The following FBXL7 variants were observed in gnomAD, a reference collection of about 807,000 sequenced individuals.
FBXL7 encodes the protein F-box/LRR-repeat protein 7.
In FBXL7, 12 loss-of-function variants were observed where a neutral mutation model predicts 38.3. The ratio of observed to expected loss-of-function variants is 0.31; its 90% CI spans 0.20 to 0.51. The LOEUF is 0.51. FBXL7 is among the 20% of genes least tolerant of loss of function. FBXL7 has a pLI of 0.98. For missense variants in FBXL7, 567 were observed against 676.4 expected (o/e 0.84, Z 1.79); for synonymous variants, 297 against 300.9 (o/e 0.99, Z 0.13).
At chr5:15,781,456 CGT>C (rs144932199) in intron 2 of FBXL7, among the ~76,000 whole-genome samples, 79 of 149,694 alleles carry the variant, frequency 5.3e-4, no homozygotes, top group Middle Eastern at 3.4e-3. Context: ...TGTGCGCGCG[CGT>C]GTGTGTGTGT....
intron 2 of FBXL7, among the ~76,000 whole-genome samples, chr5:15,707,210 CA>C (rs375179504): frequency 1.7e-4 from 15 of 86,368 alleles, no homozygotes; most frequent in African/African-American, 6.2e-4. Flanking sequence ...AAAGTGAAAG[CA>C]AGTTTATTAA....
chr5:15,755,378 A>G (rs1736268487), intron 2 of FBXL7, among the ~76,000 whole-genome samples: 1 of 152,048 alleles, frequency 6.6e-6, no homozygotes, highest in South Asian at 2.1e-4. Flanking sequence ...ATTTCCAAAG[A>G]CCAGCTAGCT....
At chr5:15,773,791 T>C (rs1475822036) in intron 2 of FBXL7, among the ~76,000 whole-genome samples, 1 of 152,108 alleles carries the variant, frequency 6.6e-6, no homozygotes, top group Non-Finnish European at 1.5e-5. Flanking sequence ...GTGTGGTTGA[T>C]ATGGTTCTAT....
intron 1 of FBXL7, among the ~76,000 whole-genome samples, chr5:15,576,142 G>T (rs897415936): frequency 7.2e-6 from 1 of 139,754 alleles, no homozygotes; most frequent in Non-Finnish European, 1.5e-5. Context: ...GAGTGCAATG[G>T]CGTGATCTTG....
At chr5:15,816,999 C>A (rs1237279439) in intron 2 of FBXL7, among the ~76,000 whole-genome samples, 5 of 152,170 alleles carry the variant, frequency 3.3e-5, no homozygotes, top group African/African-American at 7.2e-5. Context: ...TAGCTCCATG[C>A]AAAGTTATGT....
At chr5:15,661,065 G>A (rs1349562700) in intron 2 of FBXL7, among the ~76,000 whole-genome samples, 1 of 152,192 alleles carries the variant, frequency 6.6e-6, no homozygotes, top group Non-Finnish European at 1.5e-5. Flanking sequence ...TTTTCTTGAA[G>A]CTGCTAGACA....
rs543462119 is a variant in FBXL7 at position 15,798,822 on chromosome 5, T to TCATTATA, written c.128-129067_128-129061dup. On this transcript the variant is annotated intron_variant, in intron 2 of 3. Transcript: ENST00000504595. ...CCACATTTCTGAGAGAATGTGGTCG[T>TCATTATA]CATTATATCAGAAGTTCTAGATTCA... Among the ~76,000 whole-genome samples the TCATTATA allele has an allele frequency of 1.5e-3, 229 of 152,336 alleles. 7 individuals are homozygous for TCATTATA. In the South Asian group the frequency reaches 0.046, roughly 31 times the overall value.
At chr5:15,793,313 G>A (rs1364268538) in intron 2 of FBXL7, among the ~76,000 whole-genome samples, 1 of 152,244 alleles carries the variant, frequency 6.6e-6, no homozygotes, top group African/African-American at 2.4e-5. Flanking sequence ...TCCCTTGGAA[G>A]GGTCTGGGGA....
At chr5:15,783,795 T>G (rs974599356) in intron 2 of FBXL7, among the ~76,000 whole-genome samples, 4 of 152,108 alleles carry the variant, frequency 2.6e-5, no homozygotes, top group Non-Finnish European at 5.9e-5. Context: ...TATTATTGAT[T>G]GAGAGCACCA....
chr5:15,864,653 C>G (rs1429257423), intron 2 of FBXL7, among the ~76,000 whole-genome samples: 1 of 152,128 alleles, frequency 6.6e-6, no homozygotes, highest in Non-Finnish European at 1.5e-5. Flanking sequence ...AATCGCTTAA[C>G]ACAAGTGTCA....
chr5:15,784,095 C>G (rs1053487432), intron 2 of FBXL7, among the ~76,000 whole-genome samples: 2 of 152,162 alleles, frequency 1.3e-5, no homozygotes, highest in Non-Finnish European at 2.9e-5. Flanking sequence ...GCCACATTCT[C>G]TGTCTCTCAC....
At chr5:15,759,214 GT>G (rs1395506153) in intron 2 of FBXL7, among the ~76,000 whole-genome samples, 1 of 152,054 alleles carries the variant, frequency 6.6e-6, no homozygotes, top group Non-Finnish European at 1.5e-5. Context: ...AGAATGCTGT[GT>G]TAATATAATT....
intron 2 of FBXL7, among the ~76,000 whole-genome samples, chr5:15,873,645 C>A (rs2126829888): frequency 6.6e-6 from 1 of 152,258 alleles, no homozygotes; most frequent in African/African-American, 2.4e-5. Flanking sequence ...CACCTCTACA[C>A]AAATATACTA....
chr5:15,754,593 A>G (rs1414386220), intron 2 of FBXL7, among the ~76,000 whole-genome samples: 1 of 152,236 alleles, frequency 6.6e-6, no homozygotes, highest in Non-Finnish European at 1.5e-5. Flanking sequence ...AATAAATGCC[A>G]CTTGCATTGC....
intron 2 of FBXL7, among the ~76,000 whole-genome samples, chr5:15,639,176 G>A (rs1321548989): frequency 1.3e-5 from 2 of 152,196 alleles, no homozygotes; most frequent in African/African-American, 4.8e-5. Context: ...TAGTACACCT[G>A]GATCTTTGTA....
rs750872327 is a variant in FBXL7, at chr5:15,937,174, G to A, written c.1464G>A (p.Pro488=). ...GCTGCGTCATCGAGCACACCAACCCGGCTTTCTTCTGAAGGGACAGAGTTC... is the reference window on the plus strand; with the variant it reads ...GCTGCGTCATCGAGCACACCAACCCAGCTTTCTTCTGAAGGGACAGAGTTC... ...CKRCVIEHTN[P]AFF The change falls in exon 4 of 4, where the codon CCG becomes CCA. Residue 488 remains proline (P), a synonymous_variant. Transcript: ENST00000504595. 22 of 1,590,238 alleles carry A rather than the reference G, an allele frequency of 1.4e-5. No homozygotes were observed. The highest frequency in any genetic ancestry group is 2.3e-5 in the East Asian group (1 of 44,190).
At chr5:15,690,998 T>TTTCCCTTAAAATTTAGATTTCATCTAA (rs1743165066) in intron 2 of FBXL7, among the ~76,000 whole-genome samples, 1 of 152,252 alleles carries the variant, frequency 6.6e-6, no homozygotes. Flanking sequence ...CCTTTTCATC[T>TTTCCCTTAAAATTTAGATTTCATCTAA]TCACTTAAAA....
At chr5:15,911,354 G>A (rs1364939602) in intron 2 of FBXL7, among the ~76,000 whole-genome samples, 2 of 103,032 alleles carry the variant, frequency 1.9e-5, no homozygotes, top group Admixed American at 9.7e-5. Context: ...CGTAGTTCTC[G>A]AGCCTTGGTT....
chr5:15,624,266 T>C (rs1439844477), intron 2 of FBXL7, among the ~76,000 whole-genome samples: 1 of 152,226 alleles, frequency 6.6e-6, no homozygotes, highest in Admixed American at 6.5e-5. Flanking sequence ...TGGTGGGGCC[T>C]AATGGGCCGT....
Sources: allele counts gnomAD v4.1 joint callset (sites outside exome capture counted in the v4.1 genomes callset), GRCh38; gene constraint gnomAD v4.1.1; transcripts MANE v1.5; gene names NCBI Gene and HGNC (gene_info 2026-07-23, HGNC 2026-07-21).